The following KCND2 variants were observed in gnomAD, a reference collection of about 807,000 sequenced individuals.
KCND2 encodes the protein potassium voltage-gated channel subfamily D member 2.
KCND2 carries 16 observed loss-of-function variants against 54.4 expected under a neutral mutation model. The observed-to-expected ratio is 0.29, with a 90% CI of 0.20 to 0.45. The LOEUF (loss-of-function observed/expected upper bound fraction) is 0.45. KCND2 is among the 20% of genes least tolerant of loss of function. The pLI is 1.00. For missense variants in KCND2, 486 were observed against 824.2 expected (o/e 0.59, Z 5.02); for synonymous variants, 317 against 310.7 (o/e 1.02, Z -0.21).
intron 1 of KCND2, among the ~76,000 whole-genome samples, chr7:120,539,094 A>G (rs1043107316): frequency 3.3e-5 from 5 of 152,162 alleles, no homozygotes; most frequent in Non-Finnish European, 5.9e-5. Context: ...ACACATATAG[A>G]CTATATAACC....
intron 2 of KCND2, among the ~76,000 whole-genome samples, chr7:120,735,179 A>T (rs1700031074): frequency 6.6e-6 from 1 of 152,032 alleles, no homozygotes; most frequent in African/African-American, 2.4e-5. Flanking sequence ...TGATCATCTA[A>T]CGAATAGGGA....
Position 120,365,201 on chromosome 7 carries a change from AGAAG to A in KCND2, c.1115+89464_1115+89467del, listed in dbSNP as rs1415769525. On this transcript the variant is annotated intron_variant, in intron 1 of 5. Coordinates refer to ENST00000331113, the MANE Select transcript of KCND2 (RefSeq NM_012281.3). ...AGAGAGGAAGGAAGGAAGGGAGGAA[AGAAG>A]GAAGGAAGGGAGGGAGGGAGGGAGG... Among the ~76,000 whole-genome samples, 27 of 126,972 alleles carry A rather than the reference AGAAG, an allele frequency of 2.1e-4. 1 individual carries two copies. The highest frequency in any genetic ancestry group is 1.3e-3 in the Admixed American group (16 of 12,066). 83.3% of individuals were successfully genotyped at this position (126,972 alleles called of 152,430 possible).
chr7:120,524,503 G>A (rs1562863525), intron 1 of KCND2, among the ~76,000 whole-genome samples: 1 of 151,956 alleles, frequency 6.6e-6, no homozygotes, highest in Admixed American at 6.6e-5. Flanking sequence ...GCCATTATTT[G>A]TTTAAAATGT....
intron 1 of KCND2, among the ~76,000 whole-genome samples, chr7:120,471,284 A>G (rs1424017774): frequency 2.0e-5 from 3 of 152,004 alleles, no homozygotes; most frequent in Non-Finnish European, 4.4e-5. Flanking sequence ...GACAGCATTA[A>G]TTTTTTCATA....
intron 1 of KCND2, among the ~76,000 whole-genome samples, chr7:120,409,926 T>C (rs1801422469): frequency 6.6e-6 from 1 of 151,906 alleles, no homozygotes; most frequent in Non-Finnish European, 1.5e-5. Context: ...TGTTTCAAAA[T>C]TTTTGCTTTT....
intron 1 of KCND2, among the ~76,000 whole-genome samples, chr7:120,570,410 A>C (rs1792349275): frequency 6.6e-6 from 1 of 151,050 alleles, no homozygotes; most frequent in Admixed American, 6.6e-5. Context: ...TACATCTATA[A>C]AAAGTTAAAA....
At chr7:120,286,978 A>T (rs1456916932) in intron 1 of KCND2, among the ~76,000 whole-genome samples, 1 of 152,038 alleles carries the variant, frequency 6.6e-6, no homozygotes, top group Non-Finnish European at 1.5e-5. Flanking sequence ...TTCCTGGTGG[A>T]CAAAGAAAAG....
At chr7:120,580,728 T>G (rs567932876) in intron 1 of KCND2, among the ~76,000 whole-genome samples, 9 of 152,314 alleles carry the variant, frequency 5.9e-5, no homozygotes, top group African/African-American at 1.9e-4. Context: ...CTTTACTATC[T>G]TATACTTTCT....
chr7:120,567,467 T>C (rs2116420682), intron 1 of KCND2, among the ~76,000 whole-genome samples: 1 of 152,210 alleles, frequency 6.6e-6, no homozygotes, highest in South Asian at 2.1e-4. Context: ...TGAACATAAA[T>C]TTGTCAACAT....
intron 1 of KCND2, among the ~76,000 whole-genome samples, chr7:120,487,434 GAGACACAGAGAC>G (rs1802711328): frequency 6.6e-6 from 1 of 152,144 alleles, no homozygotes; most frequent in South Asian, 2.1e-4. Flanking sequence ...GAGAGAAAGA[GAGACACAGAGAC>G]AGACACAGAG....
chr7:120,509,369 G>T (rs1283768441), intron 1 of KCND2, among the ~76,000 whole-genome samples: 1 of 151,946 alleles, frequency 6.6e-6, no homozygotes, highest in Non-Finnish European at 1.5e-5. Flanking sequence ...ACTGGGTTTG[G>T]GGTATATATG....
At chr7:120,524,351 A>G (rs925651942) in intron 1 of KCND2, among the ~76,000 whole-genome samples, 1 of 152,332 alleles carries the variant, frequency 6.6e-6, no homozygotes, top group Admixed American at 6.5e-5. Context: ...ATGTAGGAGT[A>G]GAGTCTGATA....
At chr7:120,328,345 G>A (rs901408218) in intron 1 of KCND2, among the ~76,000 whole-genome samples, 1 of 152,090 alleles carries the variant, frequency 6.6e-6, no homozygotes, top group Non-Finnish European at 1.5e-5. Context: ...AGTTTTTAGA[G>A]AAAAACAGTT....
At chr7:120,722,446 G>A (rs1192354028) in intron 1 of KCND2, among the ~76,000 whole-genome samples, 4 of 152,180 alleles carry the variant, frequency 2.6e-5, no homozygotes, top group Non-Finnish European at 5.9e-5. Context: ...CACTACTGCT[G>A]CCAAAAAGGA....
At chr7:120,473,676 A>T (rs967554192) in intron 1 of KCND2, among the ~76,000 whole-genome samples, 7 of 152,230 alleles carry the variant, frequency 4.6e-5, no homozygotes, top group Non-Finnish European at 8.8e-5. Flanking sequence ...TATGCACTGG[A>T]TAATGAGAAA....
intron 1 of KCND2, among the ~76,000 whole-genome samples, chr7:120,358,317 T>A: frequency 6.6e-6 from 1 of 152,172 alleles, no homozygotes; most frequent in East Asian, 1.9e-4. Context: ...TCTCCTTTTT[T>A]ACTCATAGGT....
chr7:120,282,612 TGAAAGAG>T (rs1799283233), intron 1 of KCND2, among the ~76,000 whole-genome samples: 1 of 152,058 alleles, frequency 6.6e-6, no homozygotes, highest in Non-Finnish European at 1.5e-5. Flanking sequence ...AAAATAACAT[TGAAAGAG>T]TAGGATGACA....
intron 1 of KCND2, among the ~76,000 whole-genome samples, chr7:120,642,794 T>C (rs1375656618): frequency 1.3e-5 from 2 of 152,180 alleles, no homozygotes; most frequent in African/African-American, 2.4e-5. Flanking sequence ...GAAGTAGACA[T>C]TGCAGATTAA....
intron 1 of KCND2, among the ~76,000 whole-genome samples, chr7:120,604,504 AAATAACAATAATAATAATAAT>A (rs529207172): frequency 0.073 from 6,029 of 82,676 alleles, 162 homozygotes; most frequent in Non-Finnish European, 0.11. Context: ...CTCCATCTAA[AAATAACAATAATAATAATAAT>A]AATAATAATA....
Sources: gnomAD v4.1 joint callset for allele counts (sites outside exome capture counted in the v4.1 genomes callset) on GRCh38, gnomAD v4.1.1 for gene constraint, MANE v1.5 for transcripts, NCBI Gene and HGNC (gene_info 2026-07-23, HGNC 2026-07-21) for gene names.